Variants in RBMS3 observed in about 807,000 individuals in gnomAD.
The protein encoded by RBMS3 is RNA-binding motif, single-stranded-interacting protein 3.
In RBMS3, 27 loss-of-function variants were observed where a neutral mutation model predicts 66.8. The observed-to-expected ratio is 0.40, with a 90% CI of 0.30 to 0.56. The LOEUF is 0.56. RBMS3 is among the 20% of genes least tolerant of loss of function. RBMS3 has a pLI of 0.40. For missense variants in RBMS3, 513 were observed against 549.5 expected (o/e 0.93, Z 0.66); for synonymous variants, 188 against 183.0 (o/e 1.03, Z -0.22).
At chr3:29,561,424 CTGTTGTTTTTGT>C (rs1341815619) in intron 3 of RBMS3, among the ~76,000 whole-genome samples, 1 of 144,428 alleles carries the variant, frequency 6.9e-6, no homozygotes, top group African/African-American at 2.8e-5. Flanking sequence ...TTGCCAGCAT[CTGTTGTTTTTGT>C]TGTTGTTGTT....
chr3:29,639,048 A>G (rs9870510), intron 4 of RBMS3, among the ~76,000 whole-genome samples: 11,914 of 151,770 alleles, frequency 0.079, 829 homozygotes, highest in East Asian at 0.35. Flanking sequence ...CAAATTTCAA[A>G]TTATTTACTC....
rs949259594 is a variant in RBMS3 at position 30,005,544 on chromosome 3, C to T, written c.*1682C>T. On this transcript the variant is annotated 3_prime_UTR_variant, in exon 15 of 15. Transcript: ENST00000383767. ...TATTCTGTGAAATGGTGAGTGGTCT[C>T]CTGGAAAGGTCTCATTGTATTTGAA... The T allele has an allele frequency of 1.3e-5, 2 of 151,860 alleles. No homozygotes were observed. The highest frequency in any genetic ancestry group is 2.9e-5 in the Non-Finnish European group (2 of 67,856). 9.4% of individuals were successfully genotyped at this position (151,860 alleles called of 1,614,324 possible).
intron 3 of RBMS3, among the ~76,000 whole-genome samples, chr3:29,575,570 G>T (rs2047091897): frequency 6.6e-6 from 1 of 151,970 alleles, no homozygotes; most frequent in South Asian, 2.1e-4. Flanking sequence ...CTCTGATATT[G>T]TCCCTTTGCA....
At chr3:29,408,229 G>C (rs1018848454) in intron 1 of RBMS3, among the ~76,000 whole-genome samples, 1 of 137,224 alleles carries the variant, frequency 7.3e-6, no homozygotes, top group African/African-American at 2.8e-5. Flanking sequence ...CCGAGATTGC[G>C]CCACTGCACT....
intron 6 of RBMS3, among the ~76,000 whole-genome samples, chr3:29,802,316 T>C (rs1238698214): frequency 6.6e-6 from 1 of 152,194 alleles, no homozygotes; most frequent in Non-Finnish European, 1.5e-5. Flanking sequence ...CTTCTACAGA[T>C]TCTTAGAAGG....
intron 3 of RBMS3, among the ~76,000 whole-genome samples, chr3:29,569,574 A>T (rs1358815349): frequency 6.6e-6 from 1 of 152,154 alleles, no homozygotes; most frequent in Non-Finnish European, 1.5e-5. Flanking sequence ...AAATCCTTTG[A>T]GATGGATCCA....
At chr3:29,431,483 G>C (rs1211580545) in intron 1 of RBMS3, among the ~76,000 whole-genome samples, 2 of 151,544 alleles carry the variant, frequency 1.3e-5, no homozygotes, top group African/African-American at 4.8e-5. Context: ...AGTAGAGATG[G>C]GGTTTCACTA....
chr3:29,708,902 G>T (rs2053029669), intron 4 of RBMS3, among the ~76,000 whole-genome samples: 1 of 152,186 alleles, frequency 6.6e-6, no homozygotes, highest in Non-Finnish European at 1.5e-5. Context: ...GGAATTTTCT[G>T]AGTTGCAGGA....
intron 7 of RBMS3, among the ~76,000 whole-genome samples, chr3:29,869,916 A>G (rs781209954): frequency 2.6e-5 from 4 of 152,194 alleles, no homozygotes; most frequent in Non-Finnish European, 4.4e-5. Flanking sequence ...ACAGTGGTAA[A>G]GAAGAAAGGA....
At chr3:29,351,362 A>G (rs1202489440) in intron 1 of RBMS3, among the ~76,000 whole-genome samples, 1 of 152,168 alleles carries the variant, frequency 6.6e-6, no homozygotes, top group African/African-American at 2.4e-5. Context: ...GAAATTATCC[A>G]TGCATTTACA....
At position 29,638,892 on chromosome 3, in the gene RBMS3, G is replaced by A. The variant is rs117896092; in HGVS notation, c.399+51687G>A. Among the ~76,000 whole-genome samples the A allele has an allele frequency of 7.1e-3, 1,074 of 151,820 alleles. 28 individuals are homozygous for A. The highest frequency in any genetic ancestry group is 0.057 in the Admixed American group (866 of 15,184). On this transcript the variant is annotated intron_variant, in intron 4 of 14. Transcript: ENST00000383767. ...CTTCGAGCTGGAAAATTTTCTTAAT[G>A]TATATCGCTGTAAATTAAGACTACA...
chr3:29,614,685 A>G (rs1166485841), intron 4 of RBMS3: 1 of 152,204 alleles, frequency 6.6e-6, no homozygotes, highest in African/African-American at 2.4e-5. Flanking sequence ...GCCTTATCTC[A>G]TATATCAGTA....
intron 1 of RBMS3, among the ~76,000 whole-genome samples, chr3:29,346,742 C>T (rs1019561133): frequency 1.3e-5 from 2 of 152,040 alleles, no homozygotes; most frequent in South Asian, 4.1e-4. Flanking sequence ...ATGGACCAAT[C>T]GGTTTTAGAG....
intron 6 of RBMS3, among the ~76,000 whole-genome samples, chr3:29,865,226 A>G (rs1297207076): frequency 6.6e-6 from 1 of 152,148 alleles, no homozygotes; most frequent in Non-Finnish European, 1.5e-5. Context: ...CCCCCAAAGT[A>G]TGTGTTAAAG....
At chr3:29,906,473 A>G (rs145111828) in intron 10 of RBMS3, among the ~76,000 whole-genome samples, 2 of 151,512 alleles carry the variant, frequency 1.3e-5, no homozygotes, top group Non-Finnish European at 3.0e-5. Flanking sequence ...TCATGAGGAC[A>G]CAGCTGACAT....
At chr3:29,425,035 G>C (rs1455582814) in intron 1 of RBMS3, among the ~76,000 whole-genome samples, 1 of 151,652 alleles carries the variant, frequency 6.6e-6, no homozygotes, top group Admixed American at 6.6e-5. Context: ...TACTTAGGAG[G>C]GTGTACATTT....
chr3:29,449,832 T>C (rs1448662745), intron 2 of RBMS3, among the ~76,000 whole-genome samples: 1 of 152,212 alleles, frequency 6.6e-6, no homozygotes, highest in East Asian at 1.9e-4. Flanking sequence ...TTGTATTACA[T>C]GCACTTGTTT....
Position 29,965,441 on chromosome 3 carries a change from C to T in RBMS3, c.1098+21187C>T, listed in dbSNP as rs111717693. Among the ~76,000 whole-genome samples, 252 of 152,094 alleles carry T rather than the reference C, an allele frequency of 1.7e-3. 1 individual carries two copies. The highest frequency in any genetic ancestry group is 5.7e-3 in the African/African-American group (235 of 41,498). On this transcript the variant is annotated intron_variant, in intron 12 of 14. Coordinates refer to ENST00000383767, the MANE Select transcript of RBMS3 (RefSeq NM_001003793.3). Reference sequence around the variant, plus strand: ...CATTCTTGCAAGAGTAAGGTGGTATCGCATTGTGGTTTTGATTTGCATTTC... The same window carrying T: ...CATTCTTGCAAGAGTAAGGTGGTATTGCATTGTGGTTTTGATTTGCATTTC...
intron 4 of RBMS3, among the ~76,000 whole-genome samples, chr3:29,620,199 T>G (rs2048818698): frequency 6.6e-6 from 1 of 152,210 alleles, no homozygotes; most frequent in Non-Finnish European, 1.5e-5. Context: ...ACTTTTATAT[T>G]TTGGATTGGA....
Sources: gnomAD v4.1 joint callset for allele counts (sites outside exome capture counted in the v4.1 genomes callset) on GRCh38, gnomAD v4.1.1 for gene constraint, MANE v1.5 for transcripts, NCBI Gene and HGNC (gene_info 2026-07-23, HGNC 2026-07-21) for gene names.